The following DOCK3 variants were observed in gnomAD, a reference collection of about 807,000 sequenced individuals.
DOCK3 encodes dedicator of cytokinesis 3, also known as dedicator of cytokinesis protein 3.
DOCK3 carries 60 observed loss-of-function variants against 265.6 expected under a neutral mutation model. The ratio of observed to expected loss-of-function variants is 0.23; its 90% CI spans 0.18 to 0.28. The LOEUF (loss-of-function observed/expected upper bound fraction) is 0.28. Ranked by LOEUF, DOCK3 falls within the 10% of genes least tolerant of loss-of-function variation. The probability of loss-of-function intolerance (pLI) is 1.00; values close to 1 mark genes in which losing one functional copy is unlikely to be tolerated. For synonymous variants in DOCK3, 881 were observed against 938.0 expected (o/e 0.94, Z 1.11); for missense variants, 1,981 against 2,594.3 (o/e 0.76, Z 5.14).
intron 1 of DOCK3, among the ~76,000 whole-genome samples, chr3:50,690,308 A>AT (rs1374590873): frequency 6.6e-6 from 1 of 150,432 alleles, no homozygotes; most frequent in Non-Finnish European, 1.5e-5. Flanking sequence ...GATTTTTTAA[A>AT]TTTTTTGTAT....
At position 51,374,449 on chromosome 3, in the gene DOCK3, T is replaced by C. The variant is rs748301186; in HGVS notation, c.5294-20T>C. On this transcript the variant is annotated intron_variant, in intron 49 of 52. Coordinates refer to ENST00000266037, the MANE Select transcript of DOCK3 (RefSeq NM_004947.5). The surrounding 1 kb of genome is among the most constrained non-coding windows in gnomAD (Gnocchi z 4.8). The stretch of plus-strand genomic sequence containing the variant: ...TCTGTGGCTTGTCATCTGTGCTTGA[T>C]TGTTCTCACTTGGTTACAGGCTCTC... 18 of 1,603,966 alleles carry C rather than the reference T, an allele frequency of 1.1e-5. No homozygotes were observed. The highest frequency in any genetic ancestry group is 2.3e-5 in the East Asian group (1 of 44,384).
intron 5 of DOCK3, among the ~76,000 whole-genome samples, chr3:51,011,378 C>T (rs2078943807): frequency 6.6e-6 from 1 of 152,098 alleles, no homozygotes; most frequent in African/African-American, 2.4e-5. Context: ...TTCATTTGAT[C>T]TTCAGTCACT....
chr3:50,898,072 C>A (rs1205412372), intron 4 of DOCK3, among the ~76,000 whole-genome samples: 3 of 126,208 alleles, frequency 2.4e-5, no homozygotes, highest in Non-Finnish European at 4.9e-5. Context: ...CCTCTTTGTA[C>A]CCCTGATAGA....
intron 22 of DOCK3, among the ~76,000 whole-genome samples, chr3:51,252,924 C>T (rs2079335784): frequency 6.6e-6 from 1 of 152,212 alleles, no homozygotes; most frequent in Non-Finnish European, 1.5e-5. Context: ...TGAGAGAGGG[C>T]ATCCCTGTCT....
At position 51,211,085 on chromosome 3, in the gene DOCK3, A is replaced by G. The variant is rs1238834101; in HGVS notation, c.1126+2223A>G. 2.6e-5 allele frequency among the ~76,000 whole-genome samples: 4 copies of G among 152,212 alleles called. No homozygotes were observed. In the South Asian group the frequency reaches 6.2e-4, roughly 24 times the overall value. On this transcript the variant is annotated intron_variant, in intron 13 of 52. Coordinates refer to ENST00000266037, the MANE Select transcript of DOCK3 (RefSeq NM_004947.5). The stretch of plus-strand genomic sequence containing the variant: ...GTTTATTTTAAAATGACTGTTAACT[A>G]CAATTTATTTCCATATCTTGGGCTG...
chr3:50,764,336 A>G (rs2040725035), intron 1 of DOCK3, among the ~76,000 whole-genome samples: 1 of 152,230 alleles, frequency 6.6e-6, no homozygotes, highest in Admixed American at 6.5e-5. Flanking sequence ...AAAATAGAAA[A>G]AAACCTAACA....
intron 2 of DOCK3, among the ~76,000 whole-genome samples, chr3:50,830,605 A>G (rs2045083213): frequency 6.6e-6 from 1 of 152,038 alleles, no homozygotes; most frequent in African/African-American, 2.4e-5. Flanking sequence ...AGGGTTGCTG[A>G]TTGTTGACTG....
chr3:50,898,994 C>T (rs1018712549), intron 4 of DOCK3, among the ~76,000 whole-genome samples: 1 of 152,030 alleles, frequency 6.6e-6, no homozygotes, highest in Non-Finnish European at 1.5e-5. Context: ...CTGTTAGGTC[C>T]TCTTGGTCCA....
At chr3:50,797,015 C>T (rs1442927379) in intron 2 of DOCK3, among the ~76,000 whole-genome samples, 2 of 152,118 alleles carry the variant, frequency 1.3e-5, no homozygotes, top group Non-Finnish European at 2.9e-5. Flanking sequence ...GTCACTTACA[C>T]TCCAATTGGA....
At chr3:51,305,597 T>C (rs1027015051) in intron 27 of DOCK3, among the ~76,000 whole-genome samples, 15 of 152,048 alleles carry the variant, frequency 9.9e-5, no homozygotes, top group African/African-American at 3.4e-4. Context: ...CACCTGCCAT[T>C]TTGCTATGTG....
chr3:51,344,469 C>T (rs2085434119), intron 38 of DOCK3, among the ~76,000 whole-genome samples: 1 of 152,086 alleles, frequency 6.6e-6, no homozygotes, highest in African/African-American at 2.4e-5. Flanking sequence ...AAAATACAAA[C>T]ATTAGCTGGG....
At chr3:51,266,193 G>A (rs953054482) in intron 23 of DOCK3, among the ~76,000 whole-genome samples, 1 of 152,142 alleles carries the variant, frequency 6.6e-6, no homozygotes, top group Non-Finnish European at 1.5e-5. Context: ...ACAGACAAAT[G>A]GAAAAACATC....
Position 51,277,688 on chromosome 3 carries a change from G to A in DOCK3, c.2757G>A (p.Met919Ile). ...TCTTGCAGACTCTGCTCACCATCAT[G>A]AGCAAATCGCACGCTCAGGAGGCGG... ...DVLLQTLLTI[M>I]SKSHAQEAVR... Residue 919 changes from methionine to isoleucine, a missense_variant, in exon 26 of 53, where the codon ATG becomes ATA. By Grantham distance (10) the Met-to-Ile change is conservative. Around this residue, in one of 4 missense-constraint regions of DOCK3, gnomAD observed 1,357 missense variants for 1,866.8 expected, o/e 0.73. Transcript: ENST00000266037. 1.2e-6 allele frequency: 2 copies of A among 1,610,762 alleles called. No homozygotes were observed. Among genetic ancestry groups the A allele is most frequent in the Non-Finnish European group, 8.5e-7 (1 of 1,178,832 alleles).
At chr3:50,688,052 A>C (rs1460924782) in intron 1 of DOCK3, among the ~76,000 whole-genome samples, 1 of 152,186 alleles carries the variant, frequency 6.6e-6, no homozygotes, top group Non-Finnish European at 1.5e-5. Flanking sequence ...TTATAGTACT[A>C]GCCGAAAGAG....
intron 4 of DOCK3, among the ~76,000 whole-genome samples, chr3:50,912,591 A>G (rs1006110491): frequency 6.6e-6 from 1 of 152,104 alleles, no homozygotes; most frequent in East Asian, 1.9e-4. Flanking sequence ...GAACTAGTAA[A>G]AAACTTTAGA....
intron 5 of DOCK3, among the ~76,000 whole-genome samples, chr3:51,024,657 T>G (rs888142806): frequency 3.3e-5 from 5 of 152,222 alleles, no homozygotes; most frequent in Admixed American, 3.3e-4. Flanking sequence ...ATGTTCCATG[T>G]AGGGAGGAAT....
At chr3:50,976,144 C>A (rs1203016161) in intron 5 of DOCK3, among the ~76,000 whole-genome samples, 4 of 136,502 alleles carry the variant, frequency 2.9e-5, no homozygotes, top group Non-Finnish European at 4.7e-5. Context: ...CTATTTCCTT[C>A]AGTTCTGCTC....
At chr3:50,773,371 T>C (rs1218655170) in intron 1 of DOCK3, among the ~76,000 whole-genome samples, 1 of 152,110 alleles carries the variant, frequency 6.6e-6, no homozygotes, top group East Asian at 1.9e-4. Flanking sequence ...CATTGATCTA[T>C]ATTAATTTAA....
intron 5 of DOCK3, among the ~76,000 whole-genome samples, chr3:50,954,270 G>A (rs2076671820): frequency 6.6e-6 from 1 of 152,126 alleles, no homozygotes; most frequent in Non-Finnish European, 1.5e-5. Flanking sequence ...ATGGGTTCAG[G>A]ATGTGTCAGG....
Sources: gnomAD v4.1 joint callset for allele counts (sites outside exome capture counted in the v4.1 genomes callset) on GRCh38, gnomAD v4.1.1 for gene constraint, gnomAD v4.1.1 regional missense constraint, Gnocchi (gnomAD v3.1) non-coding constraint, MANE v1.5 for transcripts, NCBI Gene and HGNC (gene_info 2026-07-23, HGNC 2026-07-21) for gene names.